UBR1: variants seen among roughly 807,000 people sequenced by gnomAD.
UBR1 encodes the protein ubiquitin protein ligase E3 component n-recognin 1, also known as E3 ubiquitin-protein ligase UBR1.
Under a neutral mutation model 242.1 loss-of-function variants are expected in UBR1, and 102 were observed. That is an observed-to-expected ratio of 0.42 (90% confidence interval 0.36 to 0.50). UBR1 has a LOEUF of 0.50. Among genes scored for constraint, UBR1 ranks in the 20% least tolerant of loss-of-function variants. The pLI, the probability that UBR1 is intolerant of heterozygous loss-of-function variation, is 0.01. For missense variants in UBR1, 1,772 were observed against 2,101.8 expected (o/e 0.84, Z 3.07); for synonymous variants, 675 against 684.8 (o/e 0.99, Z 0.22).
chr15:42,973,885 G>GTTTTTTT (rs1174730906), intron 39 of UBR1, among the ~76,000 whole-genome samples: 1 of 120,250 alleles, frequency 8.3e-6, no homozygotes, highest in Non-Finnish European at 1.7e-5. Context: ...ACTTGTAGGA[G>GTTTTTTT]TTTTTTTTTT....
At chr15:43,022,865 A>G (rs1459933185) in intron 25 of UBR1, 64 bp from the exon 26 acceptor site, 8 of 1,085,010 alleles carry the variant, frequency 7.4e-6, no homozygotes, top group African/African-American at 1.6e-5. Flanking sequence ...TTTTTAATTT[A>G]ATTTTAATTT....
At chr15:43,087,361 C>T (rs904159934) in intron 1 of UBR1, among the ~76,000 whole-genome samples, 1 of 151,808 alleles carries the variant, frequency 6.6e-6, no homozygotes, top group African/African-American at 2.4e-5. Context: ...GCCGAGAATG[C>T]GCCACTGTAC....
chr15:42,989,793 G>A (rs1229072089), intron 34 of UBR1, among the ~76,000 whole-genome samples: 1 of 152,136 alleles, frequency 6.6e-6, no homozygotes, highest in East Asian at 1.9e-4. Flanking sequence ...CAGAGAACTG[G>A]CATTTTTGTT....
intron 29 of UBR1, among the ~76,000 whole-genome samples, chr15:43,013,124 C>T (rs1374022888): frequency 2.0e-5 from 3 of 152,136 alleles, no homozygotes; most frequent in South Asian, 2.1e-4. Flanking sequence ...AGGCTGGTCT[C>T]GAACTCCTGA....
chr15:43,082,759 C>T (rs1017458405), intron 2 of UBR1, 43 bp from the exon 3 acceptor site: 22 of 1,406,764 alleles, frequency 1.6e-5, no homozygotes, highest in East Asian at 2.3e-5. Context: ...TAGATGACTC[C>T]CACTGATGCT....
At chr15:43,068,088 GTA>G in intron 5 of UBR1, 52 bp from the exon 6 acceptor site, 4 of 579,708 alleles carry the variant, frequency 6.9e-6, no homozygotes, top group Admixed American at 4.7e-5. Flanking sequence ...TAAAGGAAAA[GTA>G]AAAAAAAAAA....
At chr15:43,004,569 C>T (rs1056074619) in intron 30 of UBR1, among the ~76,000 whole-genome samples, 6 of 152,236 alleles carry the variant, frequency 3.9e-5, no homozygotes, top group South Asian at 4.1e-4. Flanking sequence ...TTGGTGGAGA[C>T]GGGGTTTCGC....
chr15:43,046,639 G>C (rs146718051), intron 14 of UBR1, among the ~76,000 whole-genome samples: 12 of 152,052 alleles, frequency 7.9e-5, no homozygotes, highest in Admixed American at 6.6e-5. Flanking sequence ...GATGATGAGG[G>C]AATTTAACTT....
At chr15:43,033,946 A>G (rs1375191671) in intron 19 of UBR1, among the ~76,000 whole-genome samples, 1 of 152,062 alleles carries the variant, frequency 6.6e-6, no homozygotes, top group Non-Finnish European at 1.5e-5. Flanking sequence ...TCTACTAAAA[A>G]TACAAAAAAT....
At chr15:42,992,546 G>A (rs777117136) in intron 33 of UBR1, among the ~76,000 whole-genome samples, 73 of 152,280 alleles carry the variant, frequency 4.8e-4, no homozygotes, top group Non-Finnish European at 9.0e-4. Flanking sequence ...TGTACTCCTC[G>A]GGGGGTTAGC....
intron 44 of UBR1, among the ~76,000 whole-genome samples, chr15:42,957,703 T>G (rs1439152527): frequency 6.6e-6 from 1 of 151,842 alleles, no homozygotes; most frequent in Non-Finnish European, 1.5e-5. Context: ...AACGAAACCT[T>G]GTCTCTATGA....
chr15:43,080,685 T>TGGC (rs2033965216), intron 3 of UBR1, among the ~76,000 whole-genome samples: 1 of 152,180 alleles, frequency 6.6e-6, no homozygotes, highest in Non-Finnish European at 1.5e-5. Context: ...CCGGGCGTGG[T>TGGC]GGCTCACACC....
intron 44 of UBR1, among the ~76,000 whole-genome samples, chr15:42,955,797 C>T (rs1163601029): frequency 2.0e-5 from 3 of 152,106 alleles, no homozygotes; most frequent in African/African-American, 7.2e-5. Flanking sequence ...CATATTATAG[C>T]AAGGTAAGCA....
At chr15:43,002,533 CA>C (rs1465082050) in intron 32 of UBR1, 21 bp downstream of exon 32, 1 of 1,610,756 alleles carries the variant, frequency 6.2e-7, no homozygotes, top group South Asian at 1.1e-5. Flanking sequence ...AAAAATTAAC[CA>C]AAACATAAAT....
chr15:43,009,294 G>A lies in UBR1; in HGVS notation c.3210-2010C>T, dbSNP rs2032880786. Among the ~76,000 whole-genome samples, 4 of 152,234 alleles carry A rather than the reference G, an allele frequency of 2.6e-5. No individual in the cohort carries two copies. The South Asian group carries it at 8.3e-4, about 31-fold the overall frequency. On this transcript the variant is annotated intron_variant, in intron 29 of 46. Coordinates refer to ENST00000290650, the MANE Select transcript of UBR1 (RefSeq NM_174916.3). ...AAGAGTCCCTGCAGCGGAACCTGCT[G>A]GTGCATATGATCCAGCTGCAGGCTT...
chr15:43,068,089 T>TAAAAAAAAA, intron 5 of UBR1, 53 bp from the exon 6 acceptor site: 2 of 787,320 alleles, frequency 2.5e-6, no homozygotes, highest in South Asian at 4.2e-5. Context: ...AAAGGAAAAG[T>TAAAAAAAAA]AAAAAAAAAA....
At chr15:43,085,405 C>T (rs1279770641) in intron 2 of UBR1, among the ~76,000 whole-genome samples, 3 of 152,174 alleles carry the variant, frequency 2.0e-5, no homozygotes, top group South Asian at 2.1e-4. Flanking sequence ...ACTGACATTC[C>T]GTTGGAGAAC....
chr15:42,982,028 T>C (rs1277481753), intron 37 of UBR1, among the ~76,000 whole-genome samples: 1 of 152,246 alleles, frequency 6.6e-6, no homozygotes, highest in African/African-American at 2.4e-5. Context: ...TCTGTGATAA[T>C]GTTAGTCTCC....
At position 43,034,263 on chromosome 15, in the gene UBR1, AATAAATAAATAAATAAATAG is replaced by A. The variant is rs1337355898; in HGVS notation, c.2191-1652_2191-1633del. Among the ~76,000 whole-genome samples the A allele has an allele frequency of 5.7e-3, 542 of 94,972 alleles. 7 individuals carry two copies. Among genetic ancestry groups the A allele is most frequent in the South Asian group, 0.043 (101 of 2,372 alleles). 62.3% of individuals were successfully genotyped at this position (94,972 alleles called of 152,430 possible). Reference sequence around the variant, plus strand: ...AAATAAATAAATAAATAAATAAATAAATAAATAAATAAATAAATAGATAAATAAATGAGCTGGGCGTGGTG... The same window carrying A: ...AAATAAATAAATAAATAAATAAATAAATAAATAAATGAGCTGGGCGTGGTG... On this transcript the variant is annotated intron_variant, in intron 19 of 46. Transcript: ENST00000290650.
Sources: gnomAD v4.1 joint callset for allele counts (sites outside exome capture counted in the v4.1 genomes callset) on GRCh38, gnomAD v4.1.1 for gene constraint, MANE v1.5 for transcripts, NCBI Gene and HGNC (gene_info 2026-07-23, HGNC 2026-07-21) for gene names.